The following MAPRE2 variants were observed in gnomAD, a reference collection of about 807,000 sequenced individuals.
The protein encoded by MAPRE2 is microtubule associated protein RP/EB family member 2, also known as microtubule-associated protein RP/EB family member 2.
In MAPRE2, 13 loss-of-function variants were observed where a neutral mutation model predicts 43.2. The observed-to-expected ratio is 0.30, with a 90% CI of 0.20 to 0.48. The LOEUF is 0.48. Ranked by LOEUF, MAPRE2 falls within the 20% of genes least tolerant of loss-of-function variation. The pLI, the probability that MAPRE2 is intolerant of heterozygous loss-of-function variation, is 0.99. For synonymous variants in MAPRE2, 135 were observed against 148.8 expected (o/e 0.91, Z 0.68); for missense variants, 161 against 400.2 (o/e 0.40, Z 5.10).
At chr18:35,069,908 T>C (rs1012231711) in intron 1 of MAPRE2, among the ~76,000 whole-genome samples, 1 of 152,178 alleles carries the variant, frequency 6.6e-6, no homozygotes, top group African/African-American at 2.4e-5. Flanking sequence ...ACACGTAGAC[T>C]TACAGTCAAA....
At chr18:35,034,866 G>A (rs1361933406) in intron 2 of MAPRE2, among the ~76,000 whole-genome samples, 1 of 152,060 alleles carries the variant, frequency 6.6e-6, no homozygotes, top group Non-Finnish European at 1.5e-5. Flanking sequence ...GAAACAACAG[G>A]TGCTGGAGAG....
At chr18:35,090,672 C>A (rs1421556113) in intron 2 of MAPRE2, among the ~76,000 whole-genome samples, 1 of 146,024 alleles carries the variant, frequency 6.8e-6, no homozygotes, top group Non-Finnish European at 1.5e-5. Context: ...GCAGAGGTTG[C>A]AGTGAGCCAA....
intron 2 of MAPRE2, among the ~76,000 whole-genome samples, chr18:35,094,749 C>CT (rs919789122): frequency 3.3e-5 from 5 of 152,170 alleles, no homozygotes; most frequent in African/African-American, 7.2e-5. Flanking sequence ...GGAACACAGC[C>CT]TCCCTTGTGT....
intron 2 of MAPRE2, among the ~76,000 whole-genome samples, chr18:35,075,960 A>G (rs1038969581): frequency 2.0e-5 from 3 of 152,186 alleles, no homozygotes; most frequent in Non-Finnish European, 2.9e-5. Flanking sequence ...GCTCCCGAAG[A>G]TGAACGTAAA....
At position 35,132,107 on chromosome 18, in the gene MAPRE2, G is replaced by A; in HGVS notation, c.826G>A (p.Glu276Lys). 1.9e-6 allele frequency: 3 copies of A among 1,614,158 alleles called. No individual in the cohort carries two copies. The highest frequency in any genetic ancestry group is 2.5e-6 in the Non-Finnish European group (3 of 1,180,002). Residue 276 changes from glutamate (E) to lysine (K), a missense_variant, in exon 6 of 7, where the codon GAG becomes AAG. By Grantham distance (56) the Glu-to-Lys change is moderately conservative. Around this residue, in one of 2 missense-constraint regions of MAPRE2, gnomAD observed 96 missense variants for 153.3 expected, o/e 0.63. Coordinates refer to ENST00000300249, the MANE Select transcript of MAPRE2 (RefSeq NM_014268.4). ...CTACTTTGGGAAGTTGAGAGAGATCGAGCTACTCTGCCAAGAACACGGGCA... is the reference window on the plus strand; with the variant it reads ...CTACTTTGGGAAGTTGAGAGAGATCAAGCTACTCTGCCAAGAACACGGGCA... ...DFYFGKLREI[E>K]LLCQEHGQEN...
At chr18:35,007,113 G>A (rs1046040508) in intron 2 of MAPRE2, among the ~76,000 whole-genome samples, 1 of 152,186 alleles carries the variant, frequency 6.6e-6, no homozygotes, top group Non-Finnish European at 1.5e-5. Context: ...ACCAGGAAGA[G>A]AAACCACCTA....
At chr18:35,122,446 G>A (rs1909722127) in intron 4 of MAPRE2, among the ~76,000 whole-genome samples, 1 of 152,154 alleles carries the variant, frequency 6.6e-6, no homozygotes. Flanking sequence ...AAGTAGGCCT[G>A]ATCTCACATA....
chr18:34,979,309 C>G lies in MAPRE2; in HGVS notation c.-70+2230C>G, dbSNP rs558454444. Among the ~76,000 whole-genome samples, 10 of 152,308 alleles carry G rather than the reference C, an allele frequency of 6.6e-5. 1 individual carries two copies. The South Asian group carries it at 2.1e-3, about 32-fold the overall frequency. ...ATGTGTAGCAGTCAGTAGGAAAACC[C>G]AGCAGAAACATACTCCAGCAGCCTG... On this transcript the variant is annotated intron_variant, in intron 1 of 7. Coordinates refer to the MAPRE2 transcript ENST00000413393.
chr18:35,094,528 T>G (rs1160606986), intron 2 of MAPRE2, among the ~76,000 whole-genome samples: 1 of 152,196 alleles, frequency 6.6e-6, no homozygotes, highest in Non-Finnish European at 1.5e-5. Context: ...AAATAGTGCT[T>G]CTCATTGGTG....
At chr18:35,110,944 T>C (rs1401597769) in intron 4 of MAPRE2, among the ~76,000 whole-genome samples, 1 of 152,218 alleles carries the variant, frequency 6.6e-6, no homozygotes, top group African/African-American at 2.4e-5. Context: ...TGAATTTATC[T>C]TGTTTCAGAG....
chr18:35,040,441 T>G, upstream of MAPRE2, among the ~76,000 whole-genome samples: 1 of 152,218 alleles, frequency 6.6e-6, no homozygotes. Context: ...CCATGTCACT[T>G]GGAAGCTCCA....
rs139486664 is a variant in MAPRE2 at position 35,137,545 on chromosome 18, ATCT to A, written c.910-2745_910-2743del. ...TGTAAAACAGTTCCTCATTTCTGAA[ATCT>A]TCTTTTCAGAAGTCTAACATGCACA... On this transcript the variant is annotated intron_variant, in intron 6 of 6. Coordinates refer to ENST00000300249, the MANE Select transcript of MAPRE2 (RefSeq NM_014268.4). Among the ~76,000 whole-genome samples, 328 of 152,370 alleles carry A rather than the reference ATCT, an allele frequency of 2.2e-3. 2 individuals are homozygous for A. The highest frequency in any genetic ancestry group is 7.6e-3 in the African/African-American group (315 of 41,594).
intron 2 of MAPRE2, among the ~76,000 whole-genome samples, chr18:35,091,716 C>T (rs77840627): frequency 0.018 from 2,794 of 151,580 alleles, 100 homozygotes; most frequent in African/African-American, 0.065. Context: ...CACTCTCCCA[C>T]GGCATCTGTA....
intron 2 of MAPRE2, among the ~76,000 whole-genome samples, chr18:35,017,308 G>T: frequency 7.6e-6 from 1 of 131,310 alleles, no homozygotes; most frequent in African/African-American, 2.9e-5. Context: ...GGTTCCATAT[G>T]GAATTTTATA....
At chr18:35,001,513 C>CAA (rs57415569) in intron 1 of MAPRE2, among the ~76,000 whole-genome samples, 2,119 of 137,120 alleles carry the variant, frequency 0.015, 27 homozygotes, top group African/African-American at 0.043. Context: ...GACTTTGTCT[C>CAA]AAAAAAAAAA....
chr18:35,054,625 A>G (rs775763144), intron 1 of MAPRE2, among the ~76,000 whole-genome samples: 5 of 152,178 alleles, frequency 3.3e-5, no homozygotes, highest in Non-Finnish European at 5.9e-5. Context: ...GAAGCCAAAT[A>G]CTAATAGACA....
upstream of MAPRE2, among the ~76,000 whole-genome samples, chr18:35,038,906 C>T (rs2150596522): frequency 6.6e-6 from 1 of 152,322 alleles, no homozygotes; most frequent in African/African-American, 2.4e-5. Flanking sequence ...ATTTACGCGG[C>T]CCTTGGGGCC....
chr18:35,038,012 G>A (rs1215810301), upstream of MAPRE2, among the ~76,000 whole-genome samples: 1 of 152,154 alleles, frequency 6.6e-6, no homozygotes, highest in East Asian at 1.9e-4. Flanking sequence ...GCACTCTGCT[G>A]GTGGTCTATG....
In MAPRE2 at chr18:35,016,622, C is replaced by T. The variant is rs113561505; in HGVS notation, c.-8+11069C>T. 3.2e-3 allele frequency among the ~76,000 whole-genome samples: 479 copies of T among 151,986 alleles called. 2 individuals carry two copies. The highest frequency in any genetic ancestry group is 0.011 in the African/African-American group (449 of 41,488). ...TGTCTTCTTTTAAGCAATGTCTGTT[C>T]ATGTTTTTGCCTATTTTTTGATGAG... On this transcript the variant is annotated intron_variant, in intron 2 of 7. Coordinates refer to the MAPRE2 transcript ENST00000413393.
Sources: gnomAD v4.1 joint callset for allele counts (sites outside exome capture counted in the v4.1 genomes callset) on GRCh38, gnomAD v4.1.1 for gene constraint, gnomAD v4.1.1 regional missense constraint, MANE v1.5 for transcripts, NCBI Gene and HGNC (gene_info 2026-07-23, HGNC 2026-07-21) for gene names.